The following EPC2 variants were observed in gnomAD, a reference collection of about 807,000 sequenced individuals.
EPC2 encodes the protein enhancer of polycomb homolog 2.
Under a neutral mutation model 92.1 loss-of-function variants are expected in EPC2, and 14 were observed. The observed-to-expected ratio is 0.15, with a 90% CI of 0.10 to 0.24. The LOEUF is 0.24. EPC2 is among the 10% of genes least tolerant of loss of function. The pLI is 1.00. For missense variants in EPC2, 755 were observed against 971.5 expected (o/e 0.78, Z 2.96); for synonymous variants, 340 against 334.7 (o/e 1.02, Z -0.17).
chr2:148,700,139 T>C (rs776347674), intron 2 of EPC2, among the ~76,000 whole-genome samples: 4 of 152,322 alleles, frequency 2.6e-5, no homozygotes, highest in Middle Eastern at 3.4e-3. Flanking sequence ...TGTAGAGATA[T>C]GTATTTTGCA....
intron 4 of EPC2, among the ~76,000 whole-genome samples, chr2:148,759,087 T>G (rs1047499800): frequency 4.6e-5 from 7 of 152,134 alleles, no homozygotes; most frequent in Admixed American, 3.3e-4. Flanking sequence ...AAAAAATGTA[T>G]TGTTATTATT....
At chr2:148,747,811 A>G (rs1348855) in intron 3 of EPC2, among the ~76,000 whole-genome samples, 30,100 of 151,536 alleles carry the variant, frequency 0.2, 3,626 homozygotes, top group East Asian at 0.49. Context: ...GCATTTTTTC[A>G]TTTATCTTAA....
chr2:148,644,888 T>TGAGGAGGAG lies in EPC2; in HGVS notation c.-123_-115dup. On this transcript the variant is annotated 5_prime_UTR_variant, in exon 1 of 14. Transcript: ENST00000258484. ...GCGCCCATGCTGTGGCCGGGGGCAG[T>TGAGGAGGAG]GAGGAGGAGGAGGAGCGGGCCGGCC... The TGAGGAGGAG allele has an allele frequency of 1.3e-6, 1 of 741,464 alleles. No individual in the cohort carries two copies. Among genetic ancestry groups the TGAGGAGGAG allele is most frequent in the Non-Finnish European group, 2.1e-6 (1 of 467,138 alleles). The allele number at this position is 741,464 out of a possible 1,614,324, so 45.9% of individuals were successfully genotyped here.
chr2:148,726,198 C>T (rs548511394), intron 2 of EPC2, among the ~76,000 whole-genome samples: 1 of 152,170 alleles, frequency 6.6e-6, no homozygotes, highest in Admixed American at 6.5e-5. Flanking sequence ...TTAATTGGTC[C>T]ATGGACATTT....
intron 7 of EPC2, among the ~76,000 whole-genome samples, chr2:148,768,646 C>T (rs1683460178): frequency 6.6e-6 from 1 of 152,108 alleles, no homozygotes; most frequent in African/African-American, 2.4e-5. Flanking sequence ...ACAAGACTTT[C>T]CTTTGAATAA....
rs114299476 is a variant in EPC2, at chr2:148,657,368, A to C, written c.153+12198A>C. On this transcript the variant is annotated intron_variant, in intron 1 of 13. Transcript: ENST00000258484. ...CCTAGCCACCTTGCAAAATTCATCA[A>C]GGCTTTCAAAATACCTCCCACAAAA... 4.0e-3 allele frequency among the ~76,000 whole-genome samples: 603 copies of C among 152,240 alleles called. 4 individuals are homozygous for C. Among genetic ancestry groups the C allele is most frequent in the African/African-American group, 0.013 (558 of 41,554 alleles).
rs1314083828 is a variant in EPC2 at position 148,769,240 on chromosome 2, T to C, written c.1230T>C (p.Ala410=). 3.1e-6 allele frequency: 5 copies of C among 1,604,998 alleles called. No homozygotes were observed. Among genetic ancestry groups the C allele is most frequent in the Non-Finnish European group, 4.3e-6 (5 of 1,174,822 alleles). Reference sequence around the variant, plus strand: ...GGCGGGCAGGATGCCAGTATTATGCTGTAAGAACTTTTGTGTGTGTGTGGT... The same window carrying C: ...GGCGGGCAGGATGCCAGTATTATGCCGTAAGAACTTTTGTGTGTGTGTGGT... ...FRRRAGCQYY[A]PRLDQANHSC... Residue 410 remains alanine, a splice_region_variant and synonymous_variant, in exon 8 of 14, where the codon GCT becomes GCC. Coordinates refer to ENST00000258484, the MANE Select transcript of EPC2 (RefSeq NM_015630.4).
chr2:148,702,823 AT>A (rs11365316), intron 2 of EPC2, among the ~76,000 whole-genome samples: 27,623 of 147,678 alleles, frequency 0.19, 3,197 homozygotes, highest in East Asian at 0.49. Flanking sequence ...ACACTATGAG[AT>A]TTTTTTTTTT....
At chr2:148,719,550 G>A (rs1444111056) in intron 2 of EPC2, among the ~76,000 whole-genome samples, 1 of 152,206 alleles carries the variant, frequency 6.6e-6, no homozygotes, top group Non-Finnish European at 1.5e-5. Flanking sequence ...TCCTGTACCT[G>A]GAGGTATCAC....
intron 2 of EPC2, among the ~76,000 whole-genome samples, chr2:148,735,798 A>G (rs1266844789): frequency 2.0e-5 from 3 of 151,960 alleles, no homozygotes; most frequent in African/African-American, 7.2e-5. Context: ...ATCATCAAAT[A>G]TTTAATCAGT....
In EPC2 at chr2:148,762,746, A is replaced by G. The variant is rs1343260443; in HGVS notation, c.892A>G (p.Thr298Ala). The change falls in exon 6 of 14, where the codon ACT becomes GCT. Residue 298 changes from threonine (T) to alanine (A), a missense_variant. Thr to Ala is a moderately conservative substitution (Grantham distance 58, BLOSUM62 0). Around this residue, in one of 4 missense-constraint regions of EPC2, gnomAD observed 509 missense variants for 607.7 expected, o/e 0.84. Coordinates refer to ENST00000258484, the MANE Select transcript of EPC2 (RefSeq NM_015630.4). ...TAGATCAGAAAAAGAGTTATATGCC[A>G]CTCCAGCAACTCTTCATAATGGAAA... ...ISRSEKELYA[T>A]PATLHNGNHH... The G allele has an allele frequency of 1.2e-6, 2 of 1,610,890 alleles. No homozygotes were observed. Among genetic ancestry groups the G allele is most frequent in the Admixed American group, 1.7e-5 (1 of 59,476 alleles).
At chr2:148,678,723 T>G (rs912548193) in intron 1 of EPC2, among the ~76,000 whole-genome samples, 1 of 152,258 alleles carries the variant, frequency 6.6e-6, no homozygotes, top group Non-Finnish European at 1.5e-5. Flanking sequence ...GAACTCCAGC[T>G]GGCCCGCAAG....
intron 2 of EPC2, among the ~76,000 whole-genome samples, chr2:148,690,983 C>T (rs1004353753): frequency 6.6e-6 from 1 of 152,126 alleles, no homozygotes; most frequent in African/African-American, 2.4e-5. Context: ...TTTAAAGGTC[C>T]AGTGGCCCTA....
chr2:148,657,407 T>C (rs370841782), intron 1 of EPC2, among the ~76,000 whole-genome samples: 43 of 152,110 alleles, frequency 2.8e-4, no homozygotes, highest in African/African-American at 9.2e-4. Flanking sequence ...TCCAAAGATA[T>C]AGGTCAGTGA....
chr2:148,675,458 A>G (rs531462794), intron 1 of EPC2, among the ~76,000 whole-genome samples: 16 of 152,134 alleles, frequency 1.1e-4, no homozygotes, highest in Non-Finnish European at 2.1e-4. Context: ...TTTTAAGATA[A>G]TTGAATAGAT....
intron 2 of EPC2, chr2:148,691,654 T>TA: frequency 6.5e-7 from 1 of 1,536,810 alleles, no homozygotes; most frequent in Non-Finnish European, 8.8e-7. Context: ...GAGACCACGT[T>TA]AAAGTTTTTG....
chr2:148,719,382 A>G (rs1160795822), intron 2 of EPC2, among the ~76,000 whole-genome samples: 2 of 151,920 alleles, frequency 1.3e-5, no homozygotes, highest in Non-Finnish European at 2.9e-5. Flanking sequence ...GGGCTTATCT[A>G]CCTTTGATCT....
At chr2:148,689,739 T>C (rs1334134434) in intron 1 of EPC2, among the ~76,000 whole-genome samples, 1 of 152,234 alleles carries the variant, frequency 6.6e-6, no homozygotes, top group African/African-American at 2.4e-5. Context: ...TCTGCCCTGG[T>C]AGTAATAAAA....
intron 2 of EPC2, among the ~76,000 whole-genome samples, chr2:148,714,145 A>T (rs1682212641): frequency 7.2e-6 from 1 of 138,128 alleles, no homozygotes; most frequent in African/African-American, 2.7e-5. Context: ...TCCCATTTCT[A>T]AGTGAGAACA....
Sources: allele counts gnomAD v4.1 joint callset (sites outside exome capture counted in the v4.1 genomes callset), GRCh38; gene constraint gnomAD v4.1.1; regional missense constraint gnomAD v4.1.1; transcripts MANE v1.5; gene names NCBI Gene and HGNC (gene_info 2026-07-23, HGNC 2026-07-21).